CACNA2D3: variants seen among roughly 807,000 people sequenced by gnomAD.
CACNA2D3 encodes the protein voltage-dependent calcium channel subunit alpha-2/delta-3.
In CACNA2D3, 60 loss-of-function variants were observed where a neutral mutation model predicts 160.6. The ratio of observed to expected loss-of-function variants is 0.37; its 90% CI spans 0.30 to 0.46. The LOEUF (loss-of-function observed/expected upper bound fraction) is 0.46, where lower values mean the gene tolerates loss of function less well. Among genes scored for constraint, CACNA2D3 ranks in the 20% least tolerant of loss-of-function variants. The probability of loss-of-function intolerance (pLI) is 1.00; values close to 1 mark genes in which losing one functional copy is unlikely to be tolerated. For missense variants in CACNA2D3, 1,205 were observed against 1,365.0 expected, an observed-to-expected ratio of 0.88 and a Z score of 1.85; for synonymous variants, 558 against 492.9, an observed-to-expected ratio of 1.13 and a Z score of -1.75.
chr3:54,154,194 A>G (rs1700200293), intron 2 of CACNA2D3, among the ~76,000 whole-genome samples: 1 of 152,346 alleles, frequency 6.6e-6, no homozygotes, highest in Non-Finnish European at 1.5e-5. Context: ...ACCTTTTACT[A>G]AGGTTTTACT....
At position 54,128,327 on chromosome 3, in the gene CACNA2D3, C is replaced by A. The variant is rs371022447; in HGVS notation, c.204+4733C>A. Among the ~76,000 whole-genome samples the A allele has an allele frequency of 9.9e-5, 15 of 152,238 alleles. No individual in the cohort carries two copies. In the East Asian group the frequency reaches 2.9e-3, roughly 29 times the overall value. On this transcript the variant is annotated intron_variant, in intron 2 of 37. Transcript: ENST00000474759. ...AGCATGAGCAAAAGTAAAAGAAATG[C>A]GAAACCATCACACCCGGCACCTGTG...
chr3:54,754,556 T>G (rs537341664), intron 12 of CACNA2D3, among the ~76,000 whole-genome samples: 1 of 152,308 alleles, frequency 6.6e-6, no homozygotes, highest in East Asian at 1.9e-4. Context: ...GAGAGCAGCC[T>G]TTGACTCTTA....
chr3:54,870,575 G>T (rs965825711), intron 17 of CACNA2D3, among the ~76,000 whole-genome samples: 1 of 152,178 alleles, frequency 6.6e-6, no homozygotes, highest in East Asian at 1.9e-4. Context: ...AAGGCCTCAA[G>T]ACACAAGAAT....
intron 2 of CACNA2D3, among the ~76,000 whole-genome samples, chr3:54,314,017 C>T (rs1210243747): frequency 6.6e-6 from 1 of 151,882 alleles, no homozygotes; most frequent in African/African-American, 2.4e-5. Flanking sequence ...ATACACTGAA[C>T]CCAATTTGTA....
At chr3:54,882,387 T>A (rs982544738) in intron 21 of CACNA2D3, among the ~76,000 whole-genome samples, 5 of 151,972 alleles carry the variant, frequency 3.3e-5, no homozygotes, top group East Asian at 1.9e-4. Flanking sequence ...TCTCTCTCTC[T>A]CACACACACA....
Position 54,455,220 on chromosome 3 carries a change from A to G in CACNA2D3, c.382-48272A>G, listed in dbSNP as rs116368407. Among the ~76,000 whole-genome samples the G allele has an allele frequency of 4.9e-3, 752 of 152,256 alleles. 2 individuals are homozygous for G. The highest frequency in any genetic ancestry group is 8.9e-3 in the Non-Finnish European group (604 of 68,016). ...TAATTTACATTCCCACCAACACTGT[A>G]TAAGAATTCCCCTTTCTCTGCCTCC... On this transcript the variant is annotated intron_variant, in intron 4 of 37. Transcript: ENST00000474759.
At chr3:55,069,063 C>T (rs1363045617) in intron 35 of CACNA2D3, among the ~76,000 whole-genome samples, 1 of 152,150 alleles carries the variant, frequency 6.6e-6, no homozygotes, top group Non-Finnish European at 1.5e-5. Flanking sequence ...ATTATTTTCA[C>T]TTATACTTCT....
At chr3:54,469,029 G>A (rs115000781) in intron 4 of CACNA2D3, among the ~76,000 whole-genome samples, 6 of 152,218 alleles carry the variant, frequency 3.9e-5, no homozygotes, top group South Asian at 4.1e-4. Context: ...CCCGCCTGCC[G>A]GCTCTTAAGA....
chr3:54,925,145 G>A (rs971050564), intron 27 of CACNA2D3: 2 of 1,614,094 alleles, frequency 1.2e-6, no homozygotes, highest in Non-Finnish European at 8.5e-7. Flanking sequence ...ATGACTGACA[G>A]TAACACTTGT....
At chr3:54,822,423 G>A (rs1256423748) in intron 14 of CACNA2D3, among the ~76,000 whole-genome samples, 1 of 152,182 alleles carries the variant, frequency 6.6e-6, no homozygotes, top group Non-Finnish European at 1.5e-5. Flanking sequence ...TTTGTTCTCT[G>A]CCATAGTTCT....
At chr3:54,648,534 T>C (rs897077802) in intron 11 of CACNA2D3, among the ~76,000 whole-genome samples, 1 of 152,268 alleles carries the variant, frequency 6.6e-6, no homozygotes, top group African/African-American at 2.4e-5. Context: ...CAGAATTTCA[T>C]GGCTCTGCTG....
chr3:54,385,889 T>G (rs754793539), intron 3 of CACNA2D3: 13 of 500,116 alleles, frequency 2.6e-5, no homozygotes, highest in South Asian at 1.8e-4. Context: ...TGCTTTTAGT[T>G]TGATATAATT....
chr3:54,982,193 A>G (rs1050517864), intron 29 of CACNA2D3, among the ~76,000 whole-genome samples: 15 of 152,166 alleles, frequency 9.9e-5, no homozygotes, highest in African/African-American at 3.4e-4. Context: ...AGAGAATAGT[A>G]GTTAACATTC....
At chr3:54,452,016 C>G (rs925283787) in intron 4 of CACNA2D3, among the ~76,000 whole-genome samples, 6 of 152,164 alleles carry the variant, frequency 3.9e-5, no homozygotes, top group African/African-American at 1.4e-4. Flanking sequence ...TCATAATTTC[C>G]TTTTAATGCC....
chr3:54,302,470 G>T (rs567123425), intron 2 of CACNA2D3, among the ~76,000 whole-genome samples: 11 of 152,116 alleles, frequency 7.2e-5, no homozygotes, highest in Non-Finnish European at 1.6e-4. Context: ...ATTCGGCAAG[G>T]TCCCAAGTAT....
chr3:54,593,377 G>A (rs1302607487), intron 9 of CACNA2D3, among the ~76,000 whole-genome samples: 1 of 151,792 alleles, frequency 6.6e-6, no homozygotes, highest in Non-Finnish European at 1.5e-5. Context: ...TTTGCTTAAA[G>A]ACAGAAAGAA....
At chr3:54,230,942 C>T (rs1324790801) in intron 2 of CACNA2D3, among the ~76,000 whole-genome samples, 2 of 152,138 alleles carry the variant, frequency 1.3e-5, no homozygotes, top group African/African-American at 2.4e-5. Flanking sequence ...TGGGGTCTAT[C>T]GCCAAAAGAT....
intron 27 of CACNA2D3, among the ~76,000 whole-genome samples, chr3:54,930,298 A>G (rs994843570): frequency 3.9e-5 from 6 of 152,094 alleles, no homozygotes; most frequent in African/African-American, 9.7e-5. Context: ...TGCCTCATCT[A>G]TCAAATGAGG....
chr3:54,483,435 C>G (rs1386222976), intron 4 of CACNA2D3, among the ~76,000 whole-genome samples: 12 of 152,136 alleles, frequency 7.9e-5, no homozygotes, highest in Admixed American at 2.0e-4. Flanking sequence ...ATTGACAAGA[C>G]AAAATTGAAG....
Sources: allele counts gnomAD v4.1 joint callset (sites outside exome capture counted in the v4.1 genomes callset), GRCh38; gene constraint gnomAD v4.1.1; transcripts MANE v1.5; gene names NCBI Gene and HGNC (gene_info 2026-07-23, HGNC 2026-07-21).